The following MS4A7 variants were observed in gnomAD, a reference collection of about 807,000 sequenced individuals.
MS4A7 encodes membrane spanning 4-domains A7, also known as membrane-spanning 4-domains subfamily A member 7.
In MS4A7, 21 loss-of-function variants were observed where a neutral mutation model predicts 23.5. The observed-to-expected ratio is 0.89, with a 90% confidence interval of 0.63 to 1.29. The LOEUF (loss-of-function observed/expected upper bound fraction) is 1.29. Ranked by LOEUF, MS4A7 falls within the 50% of genes most tolerant of loss-of-function variation. The pLI is 0.00. For missense variants in MS4A7, 263 were observed against 274.2 expected, an observed-to-expected ratio of 0.96 and a Z score of 0.29; for synonymous variants, 111 against 107.4, an observed-to-expected ratio of 1.03 and a Z score of -0.21.
intron 5 of MS4A7, among the ~76,000 whole-genome samples, chr11:60,391,057 G>A (rs557523856): frequency 6.6e-6 from 1 of 152,240 alleles, no homozygotes; most frequent in Admixed American, 6.5e-5. Context: ...GGATCACACA[G>A]TTTTAACATC....
At position 60,394,823 on chromosome 11, in the gene MS4A7, T is replaced by C; in HGVS notation, c.*962T>C. ...ATCTCAAAATAAATAAAAAAATAAATAAAAATAAAAATAGACTATATATAG... is the reference window on the plus strand; with the variant it reads ...ATCTCAAAATAAATAAAAAAATAAACAAAAATAAAAATAGACTATATATAG... On this transcript the variant is annotated 3_prime_UTR_variant, in exon 7 of 7. Transcript: ENST00000300184. The C allele has an allele frequency of 2.7e-6, 1 of 373,794 alleles. No individual in the cohort carries two copies. The highest frequency in any genetic ancestry group is 4.7e-6 in the Non-Finnish European group (1 of 213,430). 23.2% of individuals were successfully genotyped at this position (373,794 alleles called of 1,614,324 possible). A position where few individuals can be genotyped will look rare whatever the true frequency, so the allele number is the denominator to read the frequency against.
rs756557819 is a variant in MS4A7, at chr11:60,385,131, C to A, written c.191C>A (p.Ala64Asp). Residue 64 changes from alanine (A) to aspartate (D), a missense_variant, in exon 3 of 7, where the codon GCC becomes GAC. Physicochemically the swap from Ala to Asp is moderately radical, Grantham distance 126. Coordinates refer to ENST00000300184, the MANE Select transcript of MS4A7 (RefSeq NM_021201.5). Reference sequence around the variant, plus strand: ...TGCCTGTTGATTTCAAGTCTGGGGGCCATCTTGGTTTTTGCTCCCTACCCC... The same window carrying A: ...TGCCTGTTGATTTCAAGTCTGGGGGACATCTTGGTTTTTGCTCCCTACCCC... ...LCCLLISSLG[A>D]ILVFAPYPSH... 3.8e-5 allele frequency: 61 copies of A among 1,613,898 alleles called. No individual in the cohort carries two copies. The South Asian group carries it at 6.6e-4, about 17-fold the overall frequency.
intron 1 of MS4A7, among the ~76,000 whole-genome samples, chr11:60,379,402 A>G (rs1379554729): frequency 6.6e-6 from 1 of 152,238 alleles, no homozygotes; most frequent in Non-Finnish European, 1.5e-5. Context: ...ATAGTCATGA[A>G]CATGTGATTG....
At chr11:60,380,861 A>C (rs1379896900) in intron 1 of MS4A7, among the ~76,000 whole-genome samples, 4 of 152,238 alleles carry the variant, frequency 2.6e-5, no homozygotes, top group African/African-American at 9.6e-5. Flanking sequence ...GAGGATGAGA[A>C]TCAGTTGTAG....
At chr11:60,381,295 T>C (rs561450357) in intron 1 of MS4A7, among the ~76,000 whole-genome samples, 1 of 152,272 alleles carries the variant, frequency 6.6e-6, no homozygotes, top group Admixed American at 6.5e-5. Context: ...TCACCCACAC[T>C]TCTACCCAGA....
At chr11:60,382,888 G>T (rs1490029432) in intron 1 of MS4A7, among the ~76,000 whole-genome samples, 1 of 152,122 alleles carries the variant, frequency 6.6e-6, no homozygotes, top group Non-Finnish European at 1.5e-5. Flanking sequence ...TCAATTGTGG[G>T]ACCCCTCAAA....
rs761478069 is a variant in MS4A7 at position 60,393,774 on chromosome 11, A to G, written c.649-13A>G. 6 of 1,589,494 alleles carry G rather than the reference A, an allele frequency of 3.8e-6. No individual in the cohort carries two copies. The highest frequency in any genetic ancestry group is 5.1e-6 in the Non-Finnish European group (6 of 1,166,250). On this transcript the variant is annotated splice_polypyrimidine_tract_variant and intron_variant, in intron 6 of 6. Coordinates refer to ENST00000300184, the MANE Select transcript of MS4A7 (RefSeq NM_021201.5). ...CAAAGTTTAAAAATTCTAACCAATT[A>G]TGTATTTTCTAGAGTTCATTTTCCT...
At chr11:60,387,950 A>G (rs1420187858) in intron 4 of MS4A7, among the ~76,000 whole-genome samples, 1 of 152,228 alleles carries the variant, frequency 6.6e-6, no homozygotes, top group Non-Finnish European at 1.5e-5. Flanking sequence ...ACGATTCACT[A>G]GCAAAGACAC....
intron 3 of MS4A7, 141 bp from the exon 4 acceptor site, chr11:60,386,576 A>C: frequency 1.5e-6 from 1 of 649,736 alleles, no homozygotes; most frequent in South Asian, 2.2e-5. Context: ...CCTATCTAGC[A>C]ATATAGATCC....
At position 60,391,263 on chromosome 11, in the gene MS4A7, T is replaced by C. The variant is rs549651262; in HGVS notation, c.547-1422T>C. ...TGTGCAAGTGTGCCATCTGAATTCA[T>C]AATTACATATAAAATAGGGGGACCT... is the stretch of plus-strand genomic sequence containing the variant. On this transcript the variant is annotated intron_variant, in intron 5 of 6. Coordinates refer to ENST00000300184, the MANE Select transcript of MS4A7 (RefSeq NM_021201.5). Among the ~76,000 whole-genome samples, 25 of 152,314 alleles carry C rather than the reference T, an allele frequency of 1.6e-4. No homozygotes were observed. The South Asian group carries it at 5.0e-3, about 30-fold the overall frequency.
intron 1 of MS4A7, among the ~76,000 whole-genome samples, chr11:60,380,614 A>G (rs1299501795): frequency 1.4e-4 from 22 of 152,198 alleles, no homozygotes; most frequent in Non-Finnish European, 1.5e-5. Flanking sequence ...AAAATAAAGA[A>G]AGGAACCCAG....
intron 6 of MS4A7, among the ~76,000 whole-genome samples, chr11:60,393,344 G>A (rs547124070): frequency 6.6e-6 from 1 of 152,144 alleles, no homozygotes; most frequent in African/African-American, 2.4e-5. Context: ...GAATGAGAAC[G>A]CGTATCCCCT....
chr11:60,392,021 C>A (rs764789497), intron 5 of MS4A7, among the ~76,000 whole-genome samples: 16 of 148,458 alleles, frequency 1.1e-4, no homozygotes, highest in Non-Finnish European at 2.2e-4. Context: ...AAATCACATA[C>A]TTGGAAATGA....
Position 60,385,209 on chromosome 11 carries a change from T to C in MS4A7, c.269T>C (p.Leu90Ser). Residue 90 changes from leucine to serine, a missense_variant, in exon 3 of 7, where the codon TTA becomes TCA. Coordinates refer to ENST00000300184, the MANE Select transcript of MS4A7 (RefSeq NM_021201.5). ...STTLMSGYPF[L>S]GALCFGITGS... ...ACTTTGATGTCTGGGTACCCATTTT[T>C]AGGAGCTCTGTGTGTGAGTAGAATG... The C allele has an allele frequency of 6.2e-7, 1 of 1,614,158 alleles. No individual in the cohort carries two copies. Among genetic ancestry groups the C allele is most frequent in the African/African-American group, 1.3e-5 (1 of 75,056 alleles).
intron 4 of MS4A7, chr11:60,389,117 A>C: frequency 2.6e-6 from 1 of 388,152 alleles, no homozygotes; most frequent in Non-Finnish European, 4.7e-6. Flanking sequence ...CTCTATCTTG[A>C]GTGCTATAGA....
At chr11:60,384,009 A>G (rs2085458444) in intron 2 of MS4A7, among the ~76,000 whole-genome samples, 3 of 152,212 alleles carry the variant, frequency 2.0e-5, no homozygotes, top group African/African-American at 7.2e-5. Flanking sequence ...ATGAGTAACT[A>G]TAAGACATCC....
At chr11:60,384,729 C>G (rs1043435025) in intron 2 of MS4A7, among the ~76,000 whole-genome samples, 1 of 152,204 alleles carries the variant, frequency 6.6e-6, no homozygotes, top group African/African-American at 2.4e-5. Context: ...ACTGAAAAAT[C>G]TCTTCATTAA....
chr11:60,382,957 A>T (rs975267709), intron 1 of MS4A7, among the ~76,000 whole-genome samples, 172 bp from the exon 2 acceptor site: 1 of 152,242 alleles, frequency 6.6e-6, no homozygotes, highest in Non-Finnish European at 1.5e-5. Flanking sequence ...AACTGTGCCC[A>T]GCATGCCCAC....
intron 6 of MS4A7, among the ~76,000 whole-genome samples, 160 bp downstream of exon 6, chr11:60,392,946 C>T (rs1041173952): frequency 2.0e-5 from 3 of 151,970 alleles, no homozygotes; most frequent in Non-Finnish European, 4.4e-5. Flanking sequence ...ACAGTGAAAC[C>T]CCATCTCTAC....
Sources: allele counts gnomAD v4.1 joint callset (sites outside exome capture counted in the v4.1 genomes callset), GRCh38; gene constraint gnomAD v4.1.1; transcripts MANE v1.5; gene names NCBI Gene and HGNC (gene_info 2026-07-23, HGNC 2026-07-21).